CTNNA2: variants seen among roughly 807,000 people sequenced by gnomAD.
CTNNA2 encodes the protein catenin alpha 2, also known as catenin alpha-2.
CTNNA2 carries 42 observed loss-of-function variants against 101.0 expected under a neutral mutation model. That is an observed-to-expected ratio of 0.42 (90% CI 0.32 to 0.54). The LOEUF is 0.54. CTNNA2 is among the 20% of genes least tolerant of loss of function. The pLI is 0.14. For synonymous variants in CTNNA2, 450 were observed against 456.4 expected, an observed-to-expected ratio of 0.99 and a Z score of 0.18; for missense variants, 871 against 1,223.1, an observed-to-expected ratio of 0.71 and a Z score of 4.29.
chr2:79,632,749 A>C (rs1395807498), intron 1 of CTNNA2, among the ~76,000 whole-genome samples: 1 of 152,228 alleles, frequency 6.6e-6, no homozygotes, highest in East Asian at 1.9e-4. Context: ...GGGGCATCCA[A>C]AATGGCCCCT....
At chr2:80,402,802 A>C (rs1198738359) in intron 8 of CTNNA2, among the ~76,000 whole-genome samples, 1 of 147,922 alleles carries the variant, frequency 6.8e-6, no homozygotes, top group Non-Finnish European at 1.5e-5. Context: ...TAAATTATAT[A>C]TTTATATAAT....
At chr2:80,123,862 G>A (rs373867498) in intron 7 of CTNNA2, among the ~76,000 whole-genome samples, 208 of 152,112 alleles carry the variant, frequency 1.4e-3, no homozygotes, top group Middle Eastern at 3.4e-3. Context: ...TACCTTATCC[G>A]TCTCTCTAGT....
intron 7 of CTNNA2, among the ~76,000 whole-genome samples, chr2:79,946,486 T>G (rs1376579094): frequency 6.6e-6 from 1 of 152,200 alleles, no homozygotes; most frequent in Non-Finnish European, 1.5e-5. Context: ...GGTATTTTTC[T>G]TAAGGTTGAA....
intron 7 of CTNNA2, among the ~76,000 whole-genome samples, chr2:80,193,132 C>A (rs1706626119): frequency 6.6e-6 from 1 of 152,122 alleles, no homozygotes; most frequent in Admixed American, 6.6e-5. Flanking sequence ...AACCCTTGAC[C>A]TTTATCTTAT....
At chr2:79,669,158 T>C (rs1394935385) in intron 2 of CTNNA2, among the ~76,000 whole-genome samples, 3 of 152,250 alleles carry the variant, frequency 2.0e-5, no homozygotes, top group South Asian at 2.1e-4. Context: ...ACTTGGGGAC[T>C]ATCTTTAAGG....
At position 79,799,896 on chromosome 2, in the gene CTNNA2, C is replaced by T. The variant is rs367979162; in HGVS notation, c.298+55314C>T. On this transcript the variant is annotated intron_variant, in intron 3 of 18. Transcript: ENST00000402739. ...TCAGTAGTCATGGTAATTACTTACT[C>T]TGTAGATTGGCATAATAATGACCAT... Among the ~76,000 whole-genome samples, 4 of 152,104 alleles carry T rather than the reference C, an allele frequency of 2.6e-5. No individual in the cohort carries two copies. The East Asian group carries it at 7.7e-4, about 29-fold the overall frequency.
chr2:80,315,621 C>T (rs569522468), intron 7 of CTNNA2, among the ~76,000 whole-genome samples: 83 of 152,242 alleles, frequency 5.5e-4, no homozygotes, highest in African/African-American at 1.8e-3. Context: ...AGTCCCAGTG[C>T]GCAAACACTT....
At chr2:80,455,231 C>T (rs1452723533) in intron 9 of CTNNA2, among the ~76,000 whole-genome samples, 1 of 152,158 alleles carries the variant, frequency 6.6e-6, no homozygotes, top group South Asian at 2.1e-4. Context: ...GTCAGTAGGC[C>T]TATGTCAAGA....
intron 3 of CTNNA2, among the ~76,000 whole-genome samples, chr2:79,356,326 A>C (rs2104442989): frequency 6.6e-6 from 1 of 152,200 alleles, no homozygotes; most frequent in Non-Finnish European, 1.5e-5. Context: ...TAAGTGTAAT[A>C]GTTCTTTATA....
intron 1 of CTNNA2, among the ~76,000 whole-genome samples, chr2:79,552,938 A>G (rs1674204867): frequency 6.6e-6 from 1 of 152,306 alleles, no homozygotes; most frequent in African/African-American, 2.4e-5. Flanking sequence ...ACTTTTCCCC[A>G]TTATCTTGGC....
At chr2:80,126,129 A>G (rs1702095447) in intron 7 of CTNNA2, among the ~76,000 whole-genome samples, 1 of 152,026 alleles carries the variant, frequency 6.6e-6, no homozygotes, top group African/African-American at 2.4e-5. Flanking sequence ...TTCTTTGCCT[A>G]CATTTTTACC....
At chr2:79,899,180 T>C (rs1312569496) in intron 6 of CTNNA2, among the ~76,000 whole-genome samples, 4 of 152,230 alleles carry the variant, frequency 2.6e-5, no homozygotes, top group Non-Finnish European at 5.9e-5. Flanking sequence ...TGACTGTTTT[T>C]TTTCAGGAAA....
intron 4 of CTNNA2, among the ~76,000 whole-genome samples, chr2:79,428,676 C>T (rs1162493320): frequency 2.6e-5 from 4 of 152,056 alleles, no homozygotes; most frequent in African/African-American, 7.2e-5. Flanking sequence ...CATGCCTCAG[C>T]GTACAGTAGG....
At chr2:80,253,196 C>T (rs1485848438) in intron 7 of CTNNA2, among the ~76,000 whole-genome samples, 1 of 152,122 alleles carries the variant, frequency 6.6e-6, no homozygotes, top group Non-Finnish European at 1.5e-5. Flanking sequence ...TGTGTCTACC[C>T]AGCCAGGTAA....
chr2:79,477,356 A>G (rs1671061435), intron 4 of CTNNA2, among the ~76,000 whole-genome samples: 1 of 151,724 alleles, frequency 6.6e-6, no homozygotes, highest in Admixed American at 6.6e-5. Context: ...TTTTTAGTAG[A>G]GTAGGGATTT....
intron 3 of CTNNA2, among the ~76,000 whole-genome samples, chr2:79,767,850 A>G (rs985113642): frequency 1.3e-5 from 2 of 150,788 alleles, no homozygotes; most frequent in Non-Finnish European, 3.0e-5. Flanking sequence ...TCCTCTCCTC[A>G]AGCAGAAGGA....
intron 2 of CTNNA2, among the ~76,000 whole-genome samples, chr2:79,220,320 G>T (rs541320522): frequency 6.6e-6 from 1 of 152,134 alleles, no homozygotes; most frequent in South Asian, 2.1e-4. Flanking sequence ...ATGGTGGAAG[G>T]CAGATGAAGA....
intron 7 of CTNNA2, among the ~76,000 whole-genome samples, chr2:80,278,204 C>A (rs1216122345): frequency 6.6e-6 from 1 of 151,896 alleles, no homozygotes; most frequent in Admixed American, 6.6e-5. Context: ...AGACAGCGCC[C>A]CAAATATAGT....
chr2:79,258,327 A>G (rs1019014414), intron 2 of CTNNA2, among the ~76,000 whole-genome samples: 1 of 152,202 alleles, frequency 6.6e-6, no homozygotes, highest in East Asian at 1.9e-4. Context: ...TTTTGTATCC[A>G]TGCGACCTTG....
Sources: gnomAD v4.1 joint callset for allele counts (sites outside exome capture counted in the v4.1 genomes callset) on GRCh38, gnomAD v4.1.1 for gene constraint, MANE v1.5 for transcripts, NCBI Gene and HGNC (gene_info 2026-07-23, HGNC 2026-07-21) for gene names.